Variants in KLHL24 observed in about 807,000 individuals in gnomAD.
The protein encoded by KLHL24 is kelch-like protein 24.
A neutral mutation model predicts 53.4 loss-of-function variants in KLHL24; 29 were observed. The observed-to-expected ratio is 0.54, with a 90% confidence interval of 0.40 to 0.74. KLHL24 has a LOEUF of 0.74. KLHL24 is among the 30% of genes least tolerant of loss of function. The pLI is 0.00. For missense variants in KLHL24, 504 were observed against 744.0 expected (o/e 0.68, Z 3.75); for synonymous variants, 222 against 253.7 (o/e 0.88, Z 1.19).
intron 4 of KLHL24, among the ~76,000 whole-genome samples, chr3:183,664,573 G>C (rs764552077): frequency 6.7e-6 from 1 of 150,266 alleles, no homozygotes. Context: ...TGAAAAATCG[G>C]TCAATTAAAA....
At chr3:183,648,896 G>T (rs1230305533) in intron 2 of KLHL24, among the ~76,000 whole-genome samples, 1 of 152,084 alleles carries the variant, frequency 6.6e-6, no homozygotes, top group Non-Finnish European at 1.5e-5. Flanking sequence ...CCAGCTACTC[G>T]GGAGGCTGAG....
At chr3:183,677,517 G>A (rs1712096977) in intron 7 of KLHL24, among the ~76,000 whole-genome samples, 1 of 152,066 alleles carries the variant, frequency 6.6e-6, no homozygotes, top group East Asian at 1.9e-4. Context: ...CAGACCTAAA[G>A]ATAGTATCCT....
At chr3:183,664,780 A>G (rs1720288154) in intron 4 of KLHL24, 141 bp from the exon 5 acceptor site, 1 of 490,802 alleles carries the variant, frequency 2.0e-6, no homozygotes, top group Non-Finnish European at 3.7e-6. Context: ...AGAGGTCTTT[A>G]TTTATTGAGC....
intron 2 of KLHL24, among the ~76,000 whole-genome samples, chr3:183,647,063 G>C (rs1474587412): frequency 2.7e-5 from 4 of 149,410 alleles, no homozygotes; most frequent in South Asian, 2.1e-4. Flanking sequence ...CACCCGCCTC[G>C]GTCTTCCAAA....
Position 183,672,504 on chromosome 3 carries a change from C to A in KLHL24, c.1602+20C>A. ...CGTCAGGTAATAACATAAAGCAGTA[C>A]AAAAGAAAAATAAATCTAAGAGGGA... On this transcript the variant is annotated intron_variant, in intron 7 of 7. Transcript: ENST00000242810. 3 of 1,529,950 alleles carry A rather than the reference C, an allele frequency of 2.0e-6. No homozygotes were observed. Among genetic ancestry groups the A allele is most frequent in the Admixed American group, 2.0e-5 (1 of 49,084 alleles). 94.8% of individuals were successfully genotyped at this position (1,529,950 alleles called of 1,614,324 possible). A position where few individuals can be genotyped will look rare whatever the true frequency, so the allele number is the denominator to read the frequency against.
intron 1 of KLHL24, among the ~76,000 whole-genome samples, chr3:183,642,733 T>A (rs1359073332): frequency 6.6e-6 from 1 of 151,630 alleles, no homozygotes; most frequent in African/African-American, 2.4e-5. Context: ...GATAAAAAAA[T>A]TATTTGCTAA....
intron 2 of KLHL24, among the ~76,000 whole-genome samples, chr3:183,647,476 G>A (rs988099958): frequency 5.9e-5 from 9 of 151,992 alleles, no homozygotes; most frequent in African/African-American, 2.2e-4. Flanking sequence ...ACTTGGGGAA[G>A]CTGAGGCGGG....
At chr3:183,660,932 G>T (rs981651959) in intron 3 of KLHL24, among the ~76,000 whole-genome samples, 9 of 148,004 alleles carry the variant, frequency 6.1e-5, no homozygotes, top group Admixed American at 1.4e-4. Context: ...GGGCGTGGTG[G>T]CGGGCTCCTG....
chr3:183,665,390 C>G (rs1720385836), intron 5 of KLHL24, among the ~76,000 whole-genome samples: 1 of 152,172 alleles, frequency 6.6e-6, no homozygotes, highest in Admixed American at 6.5e-5. Context: ...CTTTGCAAGT[C>G]AGGCAGAGAT....
intron 1 of KLHL24, among the ~76,000 whole-genome samples, chr3:183,636,902 C>T (rs1246279612): frequency 6.6e-6 from 1 of 152,124 alleles, no homozygotes; most frequent in East Asian, 1.9e-4. Flanking sequence ...CTGCCTGATC[C>T]TGCAGGCAGT....
Position 183,672,336 on chromosome 3 carries a change from G to A in KLHL24, c.1454G>A (p.Arg485His), listed in dbSNP as rs760755113. The change falls in exon 7 of 8, where the codon CGT becomes CAT. Residue 485 changes from arginine to histidine, a missense_variant. Physicochemically the swap from Arg to His is conservative, Grantham distance 29. Coordinates refer to ENST00000242810, the MANE Select transcript of KLHL24 (RefSeq NM_017644.3). ...YDPETNSWLL[R>H]AAIPIAKRCI... ...CCAGAAACCAATTCTTGGCTACTTC[G>A]TGCAGCTATCCCAATTGCCAAAAGG... 4.4e-6 allele frequency: 7 copies of A among 1,606,698 alleles called. No homozygotes were observed. Among genetic ancestry groups the A allele is most frequent in the South Asian group, 3.3e-5 (3 of 89,944 alleles).
chr3:183,670,906 A>G, intron 5 of KLHL24, 128 bp from the exon 6 acceptor site: 1 of 659,190 alleles, frequency 1.5e-6, no homozygotes, highest in Non-Finnish European at 2.6e-6. Context: ...ACTCTGAGCT[A>G]AATATATTGC....
chr3:183,635,902 T>C lies in KLHL24; in HGVS notation c.-125+109T>C, dbSNP rs1023561014. On this transcript the variant is annotated intron_variant, in intron 1 of 7. Coordinates refer to ENST00000242810, the MANE Select transcript of KLHL24 (RefSeq NM_017644.3). Reference sequence around the variant, plus strand: ...CGGCCTCTCAGAGCCAGACTGGCGGTCTGCGGAGAGGCTGCAGCTGGGCTA... The same window carrying C: ...CGGCCTCTCAGAGCCAGACTGGCGGCCTGCGGAGAGGCTGCAGCTGGGCTA... 8 of 152,402 alleles carry C rather than the reference T, an allele frequency of 5.2e-5. 1 individual carries two copies. In the East Asian group the frequency reaches 9.7e-4, roughly 18 times the overall value. 9.4% of individuals were successfully genotyped at this position (152,402 alleles called of 1,614,324 possible). A position where few individuals can be genotyped will look rare whatever the true frequency, so the allele number is the denominator to read the frequency against.
chr3:183,681,021 T>A lies in KLHL24; in HGVS notation c.*1735T>A, dbSNP rs181179533. On this transcript the variant is annotated 3_prime_UTR_variant, in exon 8 of 8. Transcript: ENST00000242810. ...TAAACTTTAATGCTTAGCTAGAATCTACATTCTGAGGAAAACTCTAAAAAA... is the reference window on the plus strand; with the variant it reads ...TAAACTTTAATGCTTAGCTAGAATCAACATTCTGAGGAAAACTCTAAAAAA... 1.3e-5 allele frequency: 2 copies of A among 152,332 alleles called. No homozygotes were observed. Among genetic ancestry groups the A allele is most frequent in the Admixed American group, 1.3e-4 (2 of 15,308 alleles). 9.4% of individuals were successfully genotyped at this position (152,332 alleles called of 1,614,324 possible).
intron 1 of KLHL24, among the ~76,000 whole-genome samples, chr3:183,636,963 A>T (rs1715374269): frequency 6.6e-6 from 1 of 152,128 alleles, no homozygotes; most frequent in African/African-American, 2.4e-5. Context: ...AGGACCGGAA[A>T]ATTAACACCC....
intron 7 of KLHL24, among the ~76,000 whole-genome samples, chr3:183,677,017 T>C (rs560062442): frequency 4.2e-4 from 64 of 152,064 alleles, no homozygotes; most frequent in African/African-American, 1.3e-3. Flanking sequence ...CTAGCTGCCC[T>C]TACTCCTGAA....
chr3:183,673,824 C>T (rs1366798424), intron 7 of KLHL24, among the ~76,000 whole-genome samples: 2 of 152,168 alleles, frequency 1.3e-5, no homozygotes, highest in Non-Finnish European at 2.9e-5. Context: ...TGTCCTCTTC[C>T]CAGTTTATAC....
chr3:183,645,235 A>G (rs1031490398), intron 2 of KLHL24, among the ~76,000 whole-genome samples: 1 of 152,252 alleles, frequency 6.6e-6, no homozygotes, highest in Admixed American at 6.5e-5. Context: ...GTGATATTAC[A>G]TACATTGAAC....
chr3:183,677,197 C>T (rs1023462446), intron 7 of KLHL24, among the ~76,000 whole-genome samples: 4 of 151,912 alleles, frequency 2.6e-5, no homozygotes, highest in South Asian at 4.1e-4. Context: ...GTATTAATTA[C>T]CAGACCATGT....
Sources: allele counts gnomAD v4.1 joint callset (sites outside exome capture counted in the v4.1 genomes callset), GRCh38; gene constraint gnomAD v4.1.1; transcripts MANE v1.5; gene names NCBI Gene and HGNC (gene_info 2026-07-23, HGNC 2026-07-21).